The following KCND3 variants were observed in gnomAD, a reference collection of about 807,000 sequenced individuals.
The protein encoded by KCND3 is A-type voltage-gated potassium channel KCND3.
In KCND3, 9 loss-of-function variants were observed where a neutral mutation model predicts 51.1. The ratio of observed to expected loss-of-function variants is 0.18; its 90% confidence interval spans 0.11 to 0.31. The LOEUF (loss-of-function observed/expected upper bound fraction) is 0.31. Ranked by LOEUF, KCND3 falls within the 10% of genes least tolerant of loss-of-function variation. The pLI is 1.00. For synonymous variants in KCND3, 349 were observed against 368.0 expected (o/e 0.95, Z 0.59); for missense variants, 526 against 903.8 (o/e 0.58, Z 5.36).
At chr1:111,940,585 T>C (rs1202211790) in intron 2 of KCND3, among the ~76,000 whole-genome samples, 1 of 152,226 alleles carries the variant, frequency 6.6e-6, no homozygotes, top group Non-Finnish European at 1.5e-5. Context: ...CATTGGTCTA[T>C]GTATCTGCTT....
chr1:111,825,017 T>G (rs1666512742), intron 2 of KCND3, among the ~76,000 whole-genome samples: 1 of 152,162 alleles, frequency 6.6e-6, no homozygotes, highest in African/African-American at 2.4e-5. Flanking sequence ...CCCTGACATT[T>G]CAGTAACAGT....
At position 111,901,809 on chromosome 1, in the gene KCND3, C is replaced by G. The variant is rs1191204269; in HGVS notation, c.1106+79812G>C. ...CCACAGGCACCTCATTTTGACCCCACCCTGAAAGCATAATCTCTCACCACG... is the reference window on the plus strand; with the variant it reads ...CCACAGGCACCTCATTTTGACCCCAGCCTGAAAGCATAATCTCTCACCACG... On this transcript the variant is annotated intron_variant, in intron 2 of 7. Transcript: ENST00000302127. 2.0e-5 allele frequency among the ~76,000 whole-genome samples: 3 copies of G among 152,136 alleles called. No individual in the cohort carries two copies. In the East Asian group the frequency reaches 5.8e-4, roughly 29 times the overall value.
At chr1:111,967,186 G>A (rs1263955040) in intron 2 of KCND3, among the ~76,000 whole-genome samples, 1 of 151,776 alleles carries the variant, frequency 6.6e-6, no homozygotes. Flanking sequence ...ACAAAAACGG[G>A]GTCGGGGGGT....
At chr1:111,825,540 A>C (rs1477295211) in intron 2 of KCND3, among the ~76,000 whole-genome samples, 1 of 152,186 alleles carries the variant, frequency 6.6e-6, no homozygotes, top group African/African-American at 2.4e-5. Context: ...TTCTTTCTAC[A>C]TCTCCAGTAT....
chr1:111,926,964 T>A (rs1267021069), intron 2 of KCND3, among the ~76,000 whole-genome samples: 7 of 152,338 alleles, frequency 4.6e-5, no homozygotes, highest in African/African-American at 1.7e-4. Context: ...CCTTCATTTA[T>A]CTTCCCTCAA....
chr1:111,864,180 GAGA>G (rs1420617906), intron 2 of KCND3, among the ~76,000 whole-genome samples: 1 of 152,128 alleles, frequency 6.6e-6, no homozygotes, highest in Non-Finnish European at 1.5e-5. Flanking sequence ...TGGGGAAGAA[GAGA>G]AGAAGGACAC....
intron 2 of KCND3, among the ~76,000 whole-genome samples, chr1:111,850,925 C>T (rs1051082110): frequency 3.3e-5 from 5 of 152,168 alleles, no homozygotes; most frequent in African/African-American, 1.2e-4. Context: ...GTAACAGGAC[C>T]CTGGCACTTA....
intron 2 of KCND3, among the ~76,000 whole-genome samples, chr1:111,866,579 A>AGCACAC (rs1668581640): frequency 7.9e-6 from 1 of 126,744 alleles, no homozygotes; most frequent in Non-Finnish European, 1.6e-5. Context: ...TGTTTCTTTA[A>AGCACAC]ACACACACAC....
intron 2 of KCND3, among the ~76,000 whole-genome samples, chr1:111,832,260 A>G (rs1666866826): frequency 6.6e-6 from 1 of 152,204 alleles, no homozygotes; most frequent in South Asian, 2.1e-4. Flanking sequence ...ATGTGCATGT[A>G]AGAGTGCCTA....
intron 2 of KCND3, among the ~76,000 whole-genome samples, chr1:111,848,989 C>T (rs1048377294): frequency 6.6e-6 from 1 of 152,154 alleles, no homozygotes; most frequent in Non-Finnish European, 1.5e-5. Context: ...CTGCCCCTCC[C>T]TCTCCTTTCC....
chr1:111,795,243 G>C (rs1665005802), intron 2 of KCND3, among the ~76,000 whole-genome samples: 1 of 151,924 alleles, frequency 6.6e-6, no homozygotes, highest in Admixed American at 6.6e-5. Context: ...CACTCTCCTT[G>C]GCTCACCTGC....
At chr1:111,916,385 A>C (rs547753990) in intron 2 of KCND3, among the ~76,000 whole-genome samples, 2 of 152,330 alleles carry the variant, frequency 1.3e-5, no homozygotes, top group South Asian at 4.1e-4. Context: ...AAAAAATGAC[A>C]ATATACCAAA....
At chr1:111,839,259 T>A (rs1382836943) in intron 2 of KCND3, among the ~76,000 whole-genome samples, 1 of 152,228 alleles carries the variant, frequency 6.6e-6, no homozygotes, top group Non-Finnish European at 1.5e-5. Context: ...AGACACCAAG[T>A]ATTTGGGTCT....
intron 2 of KCND3, among the ~76,000 whole-genome samples, chr1:111,961,019 G>A (rs188281577): frequency 6.6e-6 from 1 of 152,332 alleles, no homozygotes; most frequent in Admixed American, 6.5e-5. Flanking sequence ...GATAGGGGTA[G>A]CCTCGACTCT....
intron 2 of KCND3, among the ~76,000 whole-genome samples, chr1:111,970,856 T>C (rs1173635621): frequency 1.3e-5 from 2 of 152,210 alleles, no homozygotes; most frequent in African/African-American, 2.4e-5. Flanking sequence ...GTCATCTTCA[T>C]AGTGTCAGCT....
At chr1:111,977,799 G>A (rs555782059) in intron 2 of KCND3, among the ~76,000 whole-genome samples, 2 of 152,330 alleles carry the variant, frequency 1.3e-5, no homozygotes, top group African/African-American at 4.8e-5. Context: ...AGGGAAATCT[G>A]CTTTGAGAGA....
At chr1:111,959,870 C>T (rs1402095259) in intron 2 of KCND3, among the ~76,000 whole-genome samples, 1 of 152,020 alleles carries the variant, frequency 6.6e-6, no homozygotes, top group Admixed American at 6.5e-5. Context: ...CCCGTAATCC[C>T]CATATGTTGT....
At chr1:111,960,493 C>T (rs1673587924) in intron 2 of KCND3, among the ~76,000 whole-genome samples, 1 of 152,224 alleles carries the variant, frequency 6.6e-6, no homozygotes, top group Admixed American at 6.5e-5. Context: ...CCCCTTCCTC[C>T]CTTCCCCACA....
chr1:111,921,285 C>A (rs928957835), intron 2 of KCND3, among the ~76,000 whole-genome samples: 1 of 152,208 alleles, frequency 6.6e-6, no homozygotes, highest in African/African-American at 2.4e-5. Context: ...TTTGCTTTTA[C>A]AGCCGTACAG....
Sources: allele counts gnomAD v4.1 joint callset (sites outside exome capture counted in the v4.1 genomes callset), GRCh38; gene constraint gnomAD v4.1.1; transcripts MANE v1.5; gene names NCBI Gene and HGNC (gene_info 2026-07-23, HGNC 2026-07-21).